SEC31B: variants seen among roughly 807,000 people sequenced by gnomAD.
The protein encoded by SEC31B is protein transport protein Sec31B.
In SEC31B, 113 loss-of-function variants were observed where a neutral mutation model predicts 135.0. The ratio of observed to expected loss-of-function variants is 0.84; its 90% CI spans 0.72 to 0.98. The LOEUF (loss-of-function observed/expected upper bound fraction) is 0.98, where lower values mean the gene tolerates loss of function less well. SEC31B is among the 50% of genes least tolerant of loss of function. The pLI is 0.00. For missense variants in SEC31B, 1,296 were observed against 1,421.1 expected (o/e 0.91, Z 1.42); for synonymous variants, 508 against 549.4 (o/e 0.92, Z 1.05).
intron 1 of SEC31B, among the ~76,000 whole-genome samples, chr10:100,517,684 G>A (rs921083223): frequency 2.6e-5 from 4 of 152,172 alleles, no homozygotes; most frequent in Admixed American, 2.0e-4. Context: ...TCCCATTTTA[G>A]TCTGTCTAAA....
intron 3 of SEC31B, among the ~76,000 whole-genome samples, chr10:100,513,045 A>G (rs4244338): frequency 0.21 from 32,562 of 152,120 alleles, 3,612 homozygotes; most frequent in South Asian, 0.23. Flanking sequence ...TATCTTCCCT[A>G]ATCATCTAGG....
chr10:100,514,721 T>C (rs1851795849), intron 3 of SEC31B, among the ~76,000 whole-genome samples: 1 of 152,080 alleles, frequency 6.6e-6, no homozygotes, highest in South Asian at 2.1e-4. Context: ...GACCAAGAAA[T>C]GCACAAGGAG....
intron 19 of SEC31B, 121 bp downstream of exon 19, chr10:100,495,264 T>A: frequency 1.1e-6 from 1 of 899,928 alleles, no homozygotes; most frequent in Non-Finnish European, 1.8e-6. Context: ...AAGAACTGAA[T>A]CTATGTTCTA....
At chr10:100,504,859 C>A (rs1186771735) in intron 10 of SEC31B, among the ~76,000 whole-genome samples, 10 of 151,556 alleles carry the variant, frequency 6.6e-5, no homozygotes, top group African/African-American at 1.9e-4. Context: ...GAGTTATTTA[C>A]AAAACAGAAA....
Position 100,490,817 on chromosome 10 carries a change from G to A in SEC31B, c.2539C>T (p.Pro847Ser), listed in dbSNP as rs1338253512. 2 of 1,604,248 alleles carry A rather than the reference G, an allele frequency of 1.2e-6. No homozygotes were observed. The highest frequency in any genetic ancestry group is 1.7e-6 in the Non-Finnish European group (2 of 1,173,936). ...PQSSPAMPLA[P>S]SHPSPYQGPR... ...CCCTGATAAGGGCTAGGATGGGAAG[G>A]TGCCAAGGGCATCGCTGGTGATGAC... Residue 847 changes from proline to serine, a missense_variant, in exon 20 of 26, where the codon CCT (proline) becomes TCT (serine). Coordinates refer to ENST00000370345, the MANE Select transcript of SEC31B (RefSeq NM_015490.4).
intron 3 of SEC31B, among the ~76,000 whole-genome samples, chr10:100,511,144 T>G (rs1851729750): frequency 6.6e-6 from 1 of 152,172 alleles, no homozygotes; most frequent in Non-Finnish European, 1.5e-5. Flanking sequence ...TACTTCAGAG[T>G]GGCAGTTACT....
At chr10:100,513,301 T>C (rs940065527) in intron 3 of SEC31B, among the ~76,000 whole-genome samples, 5 of 152,182 alleles carry the variant, frequency 3.3e-5, no homozygotes, top group African/African-American at 1.2e-4. Flanking sequence ...ACTGTGCTAT[T>C]TATTCTGATT....
At chr10:100,494,825 ATTTTT>A (rs200276653) in intron 19 of SEC31B, 3 of 127,170 alleles carry the variant, frequency 2.4e-5, no homozygotes, top group Admixed American at 1.6e-4. Flanking sequence ...TACTGTAGCT[ATTTTT>A]TTTTTTTTTT....
intron 14 of SEC31B, 99 bp from the exon 15 acceptor site, chr10:100,498,306 T>G (rs1224570230): frequency 1.8e-6 from 2 of 1,141,682 alleles, no homozygotes; most frequent in Non-Finnish European, 2.5e-6. Flanking sequence ...TCTATATCAC[T>G]CAGTGTGCTT....
Position 100,497,238 on chromosome 10 carries a change from A to T in SEC31B, c.2033T>A (p.Leu678Gln). The change falls in exon 17 of 26, where the codon CTA (leucine) becomes CAA (glutamine). Residue 678 changes from leucine (L) to glutamine (Q), a missense_variant. Coordinates refer to ENST00000370345, the MANE Select transcript of SEC31B (RefSeq NM_015490.4). ...ATAACAGAGTCTGGCTTCGGAGGTT[A>T]GTGCCCTGCTGCCCTCCTGTTCCAT... ...TRMEQEGSRA[L>Q]TSEARLCYVC... 1 of 1,614,242 alleles carries T rather than the reference A, an allele frequency of 6.2e-7. No homozygotes were observed. Among genetic ancestry groups the T allele is most frequent in the East Asian group, 2.2e-5 (1 of 44,884 alleles).
chr10:100,507,360 C>T (rs985464323), intron 7 of SEC31B, 65 bp downstream of exon 7: 20 of 1,598,026 alleles, frequency 1.3e-5, no homozygotes, highest in Non-Finnish European at 1.7e-5. Context: ...GGATACATTG[C>T]CTCCTACCCA....
chr10:100,512,582 G>T (rs946926233), intron 3 of SEC31B, among the ~76,000 whole-genome samples: 1 of 152,106 alleles, frequency 6.6e-6, no homozygotes, highest in Non-Finnish European at 1.5e-5. Flanking sequence ...AATATTTCTA[G>T]GTAGATAATA....
chr10:100,506,322 T>C lies in SEC31B; in HGVS notation c.881A>G (p.Glu294Gly). 6.2e-7 allele frequency: 1 copy of C among 1,614,136 alleles called. No homozygotes were observed. Among genetic ancestry groups the C allele is most frequent in the Non-Finnish European group, 8.5e-7 (1 of 1,180,010 alleles). Reference protein sequence around the residue: ...QILCRNLGSSEVVYKLPTQSS... With the variant: ...QILCRNLGSSGVVYKLPTQSS... ...ATGCCCACAGAAGGGCCAGCCTACC[T>C]CACTGCTCCCCAGGTTCCGGCACAA... The change falls in exon 8 of 26, where the codon GAG becomes GGG. Residue 294 changes from glutamate (E) to glycine (G), a missense_variant and splice_region_variant. Transcript: ENST00000370345.
chr10:100,498,449 C>T (rs1851455390), intron 14 of SEC31B: 2 of 603,986 alleles, frequency 3.3e-6, no homozygotes, highest in Non-Finnish European at 2.9e-6. Flanking sequence ...TGCTTGATCA[C>T]AGTGGGCAGG....
chr10:100,508,610 C>G (rs547100982), intron 5 of SEC31B: 12 of 426,544 alleles, frequency 2.8e-5, no homozygotes, highest in East Asian at 2.0e-4. Context: ...AAAGCTGACC[C>G]CCCCCTCCAT....
chr10:100,487,543 A>C lies in SEC31B; in HGVS notation c.*73T>G. ...GGGAAAAAGAAACAGAATCTGTTGC[A>C]GAAGTCCCCTCTTCTGCAGGGAGGA... On this transcript the variant is annotated 3_prime_UTR_variant, in exon 26 of 26. Coordinates refer to ENST00000370345, the MANE Select transcript of SEC31B (RefSeq NM_015490.4). 1 of 1,345,576 alleles carries C rather than the reference A, an allele frequency of 7.4e-7. No individual in the cohort carries two copies. Among genetic ancestry groups the C allele is most frequent in the Non-Finnish European group, 1.0e-6 (1 of 970,180 alleles). The allele number at this position is 1,345,576 out of a possible 1,614,324, so 83.4% of individuals were successfully genotyped here.
In SEC31B at chr10:100,517,012, C is replaced by A; in HGVS notation, c.-45-15G>T. On this transcript the variant is annotated splice_polypyrimidine_tract_variant and intron_variant, in intron 1 of 25. Coordinates refer to ENST00000370345, the MANE Select transcript of SEC31B (RefSeq NM_015490.4). ...CCCTCAGCCCACTGAAAATAGAAAC[C>A]AGCAAACTTAACAGCCAGATCCAGG... is the stretch of plus-strand genomic sequence containing the variant. The A allele has an allele frequency of 7.6e-7, 1 of 1,318,140 alleles. No individual in the cohort carries two copies. Among genetic ancestry groups the A allele is most frequent in the Non-Finnish European group, 1.1e-6 (1 of 913,850 alleles). 81.7% of individuals were successfully genotyped at this position (1,318,140 alleles called of 1,614,324 possible).
chr10:100,489,819 T>C (rs1851265588), intron 21 of SEC31B, 58 bp from the exon 22 acceptor site: 1 of 1,611,762 alleles, frequency 6.2e-7, no homozygotes, highest in Admixed American at 1.7e-5. Context: ...TGGAAGTTTT[T>C]TATCTGAAGG....
At chr10:100,489,566 G>T in intron 22 of SEC31B, 137 bp downstream of exon 22, 1 of 1,400,984 alleles carries the variant, frequency 7.1e-7, no homozygotes, top group Non-Finnish European at 9.9e-7. Context: ...AAAGAAGAGG[G>T]TTCTGAGGAA....
Sources: gnomAD v4.1 joint callset for allele counts (sites outside exome capture counted in the v4.1 genomes callset) on GRCh38, gnomAD v4.1.1 for gene constraint, MANE v1.5 for transcripts, NCBI Gene and HGNC (gene_info 2026-07-23, HGNC 2026-07-21) for gene names.